Variants in COL15A1 observed in about 807,000 individuals in gnomAD.
The protein encoded by COL15A1 is collagen alpha-1(XV) chain.
A neutral mutation model predicts 165.9 loss-of-function variants in COL15A1; 111 were observed. The observed-to-expected ratio is 0.67, with a 90% CI of 0.57 to 0.78. The LOEUF (loss-of-function observed/expected upper bound fraction) is 0.78. Among genes scored for constraint, COL15A1 ranks in the 30% least tolerant of loss-of-function variants. COL15A1 has a pLI of 0.00. For synonymous variants in COL15A1, 659 were observed against 674.8 expected (o/e 0.98, Z 0.36); for missense variants, 1,745 against 1,789.7 (o/e 0.98, Z 0.45).
At chr9:98,972,077 G>A (rs565467157) in intron 2 of COL15A1, among the ~76,000 whole-genome samples, 63 of 152,282 alleles carry the variant, frequency 4.1e-4, no homozygotes, top group African/African-American at 1.4e-3. Context: ...GGCCCTGTGC[G>A]AAGTAGGGTT....
Position 99,008,547 on chromosome 9 carries a change from A to G in COL15A1, c.1353+3497A>G, listed in dbSNP as rs564584454. 5.3e-5 allele frequency among the ~76,000 whole-genome samples: 8 copies of G among 152,336 alleles called. No individual in the cohort carries two copies. The East Asian group carries it at 7.7e-4, about 15-fold the overall frequency. ...TGTAAGTTAAGAATACTCACAACTA[A>G]TTACCAAATTTTTGGAGAGATCAGG... is the stretch of plus-strand genomic sequence containing the variant. On this transcript the variant is annotated intron_variant, in intron 9 of 41. Transcript: ENST00000375001.
chr9:98,981,038 G>T (rs1838229451), intron 2 of COL15A1, among the ~76,000 whole-genome samples: 1 of 152,218 alleles, frequency 6.6e-6, no homozygotes, highest in Admixed American at 6.5e-5. Context: ...AGCAGGAGGA[G>T]ATGTGTATAA....
intron 26 of COL15A1, 64 bp from the exon 27 acceptor site, chr9:99,047,722 C>A: frequency 6.4e-7 from 1 of 1,564,822 alleles, no homozygotes; most frequent in Non-Finnish European, 8.8e-7. Context: ...CGGGCTTGCA[C>A]TCCTCATTTC....
intron 36 of COL15A1, among the ~76,000 whole-genome samples, chr9:99,061,361 G>T (rs1343933078): frequency 6.6e-6 from 1 of 152,136 alleles, no homozygotes; most frequent in African/African-American, 2.4e-5. Flanking sequence ...ATAGATTTTT[G>T]TAGCTTCTGT....
At chr9:98,975,161 A>C (rs994015515) in intron 2 of COL15A1, among the ~76,000 whole-genome samples, 15 of 152,232 alleles carry the variant, frequency 9.9e-5, no homozygotes, top group African/African-American at 3.1e-4. Context: ...ACATATCCGC[A>C]GCGCTCCTTC....
chr9:99,028,759 G>A (rs1839170991), intron 16 of COL15A1, among the ~76,000 whole-genome samples: 1 of 152,058 alleles, frequency 6.6e-6, no homozygotes, highest in Non-Finnish European at 1.5e-5. Flanking sequence ...CAGGTGATGG[G>A]TGCACCAAAA....
In COL15A1 at chr9:98,989,225, G is replaced by T; in HGVS notation, c.771G>T (p.Glu257Asp). 1 of 1,614,116 alleles carries T rather than the reference G, an allele frequency of 6.2e-7. No homozygotes were observed. Among genetic ancestry groups the T allele is most frequent in the Non-Finnish European group, 8.5e-7 (1 of 1,179,994 alleles). The change falls in exon 5 of 42, where the codon GAG becomes GAT. Residue 257 changes from glutamate to aspartate, a missense_variant. By Grantham distance (45) the Glu-to-Asp change is conservative (BLOSUM62 2). Transcript: ENST00000375001. ...SGLQEADGVA[E>D]ILEAVTYTQA... ...TGCAGGAGGCAGACGGAGTAGCTGA[G>T]ATCTTAGAAGCCGTCACCTACACTC...
intron 11 of COL15A1, among the ~76,000 whole-genome samples, chr9:99,019,793 A>G (rs546814721): frequency 6.6e-6 from 1 of 152,264 alleles, no homozygotes; most frequent in Non-Finnish European, 1.5e-5. Context: ...GACCCAGCAC[A>G]TAGTACATGC....
Position 99,035,348 on chromosome 9 carries a change from A to G in COL15A1, c.2221-2A>G. ...AAATTCTCATTCTTGCTCCTTCCCC[A>G]GGATACCGAAGGCTCTGGAAGCACC... On this transcript the variant is annotated splice_acceptor_variant, in intron 18 of 41. Transcript: ENST00000375001. LOFTEE classifies it high-confidence loss of function. 6.2e-7 allele frequency: 1 copy of G among 1,614,190 alleles called. No individual in the cohort carries two copies. Among genetic ancestry groups the G allele is most frequent in the East Asian group, 2.2e-5 (1 of 44,876 alleles).
At chr9:98,991,004 G>A (rs370688627) in intron 5 of COL15A1, among the ~76,000 whole-genome samples, 1 of 152,086 alleles carries the variant, frequency 6.6e-6, no homozygotes, top group African/African-American at 2.4e-5. Flanking sequence ...CCTTCGCGGT[G>A]AGTGTTACAA....
chr9:99,037,805 C>T (rs552419687), intron 21 of COL15A1, among the ~76,000 whole-genome samples: 42 of 152,228 alleles, frequency 2.8e-4, no homozygotes, highest in Non-Finnish European at 4.0e-4. Flanking sequence ...CAGGTAGGCA[C>T]GGAGGACAGA....
intron 15 of COL15A1, among the ~76,000 whole-genome samples, chr9:99,025,312 CAG>C (rs1839105437): frequency 2.0e-5 from 3 of 152,186 alleles, no homozygotes; most frequent in Admixed American, 6.5e-5. Context: ...GCACATTCAG[CAG>C]AGACTTTACC....
chr9:99,008,571 G>A (rs2118969042), intron 9 of COL15A1, among the ~76,000 whole-genome samples: 1 of 152,286 alleles, frequency 6.6e-6, no homozygotes, highest in Admixed American at 6.5e-5. Flanking sequence ...GGAGAGATCA[G>A]GTAGAAATAT....
intron 2 of COL15A1, among the ~76,000 whole-genome samples, chr9:98,950,024 G>A (rs1220122018): frequency 6.6e-6 from 1 of 152,180 alleles, no homozygotes; most frequent in African/African-American, 2.4e-5. Context: ...AGTACTTCAT[G>A]CCTTTTTATG....
At chr9:99,014,622 C>T (rs993256800) in intron 9 of COL15A1, among the ~76,000 whole-genome samples, 1 of 152,126 alleles carries the variant, frequency 6.6e-6, no homozygotes, top group Non-Finnish European at 1.5e-5. Flanking sequence ...AAATGTGAAC[C>T]CCAAATATCT....
rs143653627 is a variant in COL15A1, at chr9:99,062,246, T to C, written c.3533T>C (p.Leu1178Pro). 1.1e-5 allele frequency: 17 copies of C among 1,613,494 alleles called. No individual in the cohort carries two copies. The African/African-American group carries it at 2.1e-4, about 20-fold the overall frequency. The change falls in exon 38 of 42, where the codon CTG becomes CCG. Residue 1178 changes from leucine to proline, a missense_variant and splice_region_variant. Coordinates refer to ENST00000375001, the MANE Select transcript of COL15A1 (RefSeq NM_001855.5). ...TTCAATGTACTGTTTTTCTTAAAGC[T>C]GGGAGAACTGATCCCCATTCCTGCC... Reference protein sequence around the residue: ...RVRDGWKKLQLGELIPIPADS... With the variant: ...RVRDGWKKLQPGELIPIPADS...
chr9:99,009,971 T>C (rs1297326510), intron 9 of COL15A1, among the ~76,000 whole-genome samples: 2 of 152,250 alleles, frequency 1.3e-5, no homozygotes, highest in Non-Finnish European at 2.9e-5. Flanking sequence ...ACATTAATGG[T>C]TAATTTATAG....
chr9:99,036,557 C>G (rs558718686), intron 21 of COL15A1, among the ~76,000 whole-genome samples, 161 bp downstream of exon 21: 7 of 152,348 alleles, frequency 4.6e-5, no homozygotes, highest in East Asian at 1.9e-4. Context: ...GTTCCTCCCC[C>G]AGTTCCACTG....
intron 6 of COL15A1, among the ~76,000 whole-genome samples, chr9:98,999,194 C>T (rs1217567475): frequency 1.3e-5 from 2 of 152,218 alleles, no homozygotes; most frequent in Admixed American, 1.3e-4. Flanking sequence ...ATGGGACCTG[C>T]GTGAGCACAG....
Sources: allele counts gnomAD v4.1 joint callset (sites outside exome capture counted in the v4.1 genomes callset), GRCh38; gene constraint gnomAD v4.1.1; transcripts MANE v1.5; gene names NCBI Gene and HGNC (gene_info 2026-07-23, HGNC 2026-07-21).